Variants in ETNK1 observed in about 807,000 individuals in gnomAD.
The protein encoded by ETNK1 is ethanolamine kinase 1.
Under a neutral mutation model 45.1 loss-of-function variants are expected in ETNK1, and 8 were observed. The observed-to-expected ratio is 0.18, with a 90% CI of 0.10 to 0.32. The LOEUF (loss-of-function observed/expected upper bound fraction) is 0.32. Among genes scored for constraint, ETNK1 ranks in the 10% least tolerant of loss-of-function variants. ETNK1 has a pLI of 1.00. For synonymous variants in ETNK1, 152 were observed against 151.9 expected (o/e 1.00, Z -0.01); for missense variants, 302 against 430.6 (o/e 0.70, Z 2.64).
chr12:22,633,025 A>G (rs1398284905), intron 1 of ETNK1, among the ~76,000 whole-genome samples: 2 of 152,180 alleles, frequency 1.3e-5, no homozygotes, highest in Admixed American at 6.5e-5. Flanking sequence ...TGTTTTGGCT[A>G]TCACAAATTA....
At chr12:22,635,585 TATC>T (rs1404981507) in intron 1 of ETNK1, among the ~76,000 whole-genome samples, 1 of 152,260 alleles carries the variant, frequency 6.6e-6, no homozygotes, top group Non-Finnish European at 1.5e-5. Context: ...ATGTGTTTAT[TATC>T]ATTCAGTTCA....
chr12:22,636,512 CCTTAT>C (rs1413411909), intron 1 of ETNK1, among the ~76,000 whole-genome samples: 1 of 151,904 alleles, frequency 6.6e-6, no homozygotes, highest in African/African-American at 2.4e-5. Context: ...AAATGTCCCT[CCTTAT>C]CTTTAGTAAT....
At chr12:22,651,670 A>G (rs1031536973) in intron 2 of ETNK1, among the ~76,000 whole-genome samples, 18 of 148,686 alleles carry the variant, frequency 1.2e-4, no homozygotes, top group African/African-American at 4.5e-4. Flanking sequence ...ATGTAAAACT[A>G]CAATTCTATC....
intron 2 of ETNK1, chr12:22,656,915 G>A: frequency 4.9e-6 from 3 of 606,790 alleles, no homozygotes; most frequent in Non-Finnish European, 6.2e-6. Context: ...TGTGTTTCAT[G>A]TAACACAGAT....
At chr12:22,651,875 C>T (rs1236939575) in intron 2 of ETNK1, among the ~76,000 whole-genome samples, 1 of 151,634 alleles carries the variant, frequency 6.6e-6, no homozygotes, top group African/African-American at 2.4e-5. Flanking sequence ...TTAGTAGAGA[C>T]GGGTTTCACC....
chr12:22,625,178 C>A lies in ETNK1; in HGVS notation c.-253C>A. 6.3e-7 allele frequency: 1 copy of A among 1,599,334 alleles called. No homozygotes were observed. The highest frequency in any genetic ancestry group is 8.5e-7 in the Non-Finnish European group (1 of 1,171,794). ...CCAGCCCCGGCATGCTCTGCGGCCG[C>A]CCGCGGTCCAGCTCCGACAACAGGA... On this transcript the variant is annotated 5_prime_UTR_variant, in exon 1 of 8. Coordinates refer to ENST00000266517, the MANE Select transcript of ETNK1 (RefSeq NM_018638.5).
intron 2 of ETNK1, among the ~76,000 whole-genome samples, chr12:22,656,224 G>C (rs931937938): frequency 6.6e-6 from 1 of 152,064 alleles, no homozygotes; most frequent in Non-Finnish European, 1.5e-5. Flanking sequence ...GAAAATTCAG[G>C]TAATTTAAAA....
chr12:22,680,367 T>G (rs1273805730), intron 6 of ETNK1, among the ~76,000 whole-genome samples: 2 of 152,220 alleles, frequency 1.3e-5, no homozygotes. Flanking sequence ...TAATTAGAAT[T>G]TAATTAATTA....
rs186999399 is a variant in ETNK1 at position 22,685,148 on chromosome 12, C to T, written c.*194C>T. 26 of 453,052 alleles carry T rather than the reference C, an allele frequency of 5.7e-5. No individual in the cohort carries two copies. Among genetic ancestry groups the T allele is most frequent in the East Asian group, 2.0e-4 (6 of 29,406 alleles). 28.1% of individuals were successfully genotyped at this position (453,052 alleles called of 1,614,324 possible). On this transcript the variant is annotated 3_prime_UTR_variant, in exon 8 of 8. Coordinates refer to ENST00000266517, the MANE Select transcript of ETNK1 (RefSeq NM_018638.5). ...GTCAAGAAATATACCTACTGCTATC[C>T]GTATGTGGTGGATTAGAAATGTGTT... is the stretch of plus-strand genomic sequence containing the variant.
chr12:22,657,211 G>C (rs1318756977), intron 2 of ETNK1, among the ~76,000 whole-genome samples: 3 of 152,080 alleles, frequency 2.0e-5, no homozygotes, highest in African/African-American at 7.2e-5. Flanking sequence ...CTTAGGGAAG[G>C]TCATTCAAAA....
At chr12:22,667,113 A>G (rs1247522257) in intron 4 of ETNK1, among the ~76,000 whole-genome samples, 2 of 152,202 alleles carry the variant, frequency 1.3e-5, no homozygotes, top group South Asian at 4.1e-4. Flanking sequence ...GTCAGATAAT[A>G]AAAAACTTAA....
At chr12:22,671,157 A>G (rs1954103383) in intron 4 of ETNK1, 115 bp from the exon 5 acceptor site, 1 of 773,804 alleles carries the variant, frequency 1.3e-6, no homozygotes, top group African/African-American at 1.7e-5. Context: ...AAGTGCATGT[A>G]ATCAAGCACG....
intron 2 of ETNK1, among the ~76,000 whole-genome samples, chr12:22,648,159 C>T (rs957570735): frequency 6.6e-6 from 1 of 151,866 alleles, no homozygotes; most frequent in Non-Finnish European, 1.5e-5. Context: ...CAACCTCCCC[C>T]ATTATCAATA....
At chr12:22,641,313 C>T (rs543931156) in intron 1 of ETNK1, among the ~76,000 whole-genome samples, 3 of 152,156 alleles carry the variant, frequency 2.0e-5, no homozygotes, top group South Asian at 2.1e-4. Flanking sequence ...GTACCTAGAA[C>T]GCTGAAGAAA....
chr12:22,629,436 A>G (rs1953546368), intron 1 of ETNK1, among the ~76,000 whole-genome samples: 1 of 152,132 alleles, frequency 6.6e-6, no homozygotes, highest in South Asian at 2.1e-4. Context: ...TTGTGTAGCT[A>G]CACAGCAGTT....
chr12:22,646,726 G>A (rs1461860038), intron 2 of ETNK1, among the ~76,000 whole-genome samples: 1 of 151,788 alleles, frequency 6.6e-6, no homozygotes, highest in Non-Finnish European at 1.5e-5. Context: ...AACCATAGCT[G>A]TATGCTTATA....
intron 2 of ETNK1, among the ~76,000 whole-genome samples, chr12:22,655,943 C>G (rs1953935638): frequency 6.6e-6 from 1 of 152,198 alleles, no homozygotes; most frequent in African/African-American, 2.4e-5. Context: ...AGTGATACAA[C>G]TTGGCCTTTG....
chr12:22,681,118 G>T (rs762351679), intron 6 of ETNK1, among the ~76,000 whole-genome samples: 9 of 152,028 alleles, frequency 5.9e-5, no homozygotes. Context: ...GGATGCAAAT[G>T]ATGAATGGGC....
chr12:22,662,007 A>G (rs1256278694), intron 4 of ETNK1, among the ~76,000 whole-genome samples: 1 of 151,994 alleles, frequency 6.6e-6, no homozygotes, highest in Non-Finnish European at 1.5e-5. Flanking sequence ...TACTAACTTA[A>G]AAAATGTTTT....
Sources: gnomAD v4.1 joint callset for allele counts (sites outside exome capture counted in the v4.1 genomes callset) on GRCh38, gnomAD v4.1.1 for gene constraint, MANE v1.5 for transcripts, NCBI Gene and HGNC (gene_info 2026-07-23, HGNC 2026-07-21) for gene names.